The following MACF1 variants were observed in gnomAD, a reference collection of about 807,000 sequenced individuals.
MACF1 encodes microtubule-actin cross-linking factor 1.
Under a neutral mutation model 854.8 loss-of-function variants are expected in MACF1, and 193 were observed. The observed-to-expected ratio is 0.23, with a 90% CI of 0.20 to 0.25. The LOEUF (loss-of-function observed/expected upper bound fraction) is 0.25. Ranked by LOEUF, MACF1 falls within the 10% of genes least tolerant of loss-of-function variation. MACF1 has a pLI of 1.00. For synonymous variants in MACF1, 3,185 were observed against 3,226.7 expected (o/e 0.99, Z 0.44); for missense variants, 7,722 against 8,929.1 (o/e 0.86, Z 5.45).
At chr1:39,229,845 T>A (rs932819142) in intron 1 of MACF1, among the ~76,000 whole-genome samples, 6 of 152,104 alleles carry the variant, frequency 3.9e-5, no homozygotes, top group Admixed American at 3.9e-4. Context: ...CAAGTGATCC[T>A]CCCACCCTCC....
chr1:39,313,610 A>T (rs1446241650), intron 26 of MACF1, among the ~76,000 whole-genome samples: 1 of 150,590 alleles, frequency 6.6e-6, no homozygotes, highest in Non-Finnish European at 1.5e-5. Flanking sequence ...TATTTATGTC[A>T]ATATATACTC....
In MACF1 at chr1:39,283,374, TCTGA is replaced by T; in HGVS notation, c.809-32_809-29del. ...TCCTTCTTCTGGCAAGTTCCTTTGT[TCTGA>T]CTAAGAAATTTCTTGTCCATTCTCT... On this transcript the variant is annotated intron_variant, in intron 8 of 100. Transcript: ENST00000564288. The surrounding 1 kb of genome is among the most constrained non-coding windows in gnomAD (Gnocchi z 4.5). The T allele has an allele frequency of 3.1e-6, 5 of 1,589,240 alleles. No individual in the cohort carries two copies. Among genetic ancestry groups the T allele is most frequent in the Non-Finnish European group, 4.3e-6 (5 of 1,157,394 alleles).
At chr1:39,201,543 G>A (rs1356226470), upstream of MACF1, among the ~76,000 whole-genome samples, 3 of 151,990 alleles carry the variant, frequency 2.0e-5, no homozygotes, top group East Asian at 1.9e-4. Context: ...TAGTAGAGAC[G>A]GGGTTTCACT....
chr1:39,333,335 C>T lies in MACF1; in HGVS notation c.6747C>T (p.Ile2249=), dbSNP rs761297415. The change falls in exon 37 of 101, where the codon ATC becomes ATT. Residue 2249 remains isoleucine (I), a synonymous_variant. Coordinates refer to ENST00000564288, the MANE Select transcript of MACF1 (RefSeq NM_001394062.1). The part of the protein sequence containing the change: ...DHKESQEAQN[I]AGGSMMMSEK... ...AAGAAAGTCAAGAAGCACAGAACATCGCAGGTGGTAGTATGATGATGTCAG... is the reference window on the plus strand; with the variant it reads ...AAGAAAGTCAAGAAGCACAGAACATTGCAGGTGGTAGTATGATGATGTCAG... The T allele has an allele frequency of 5.6e-6, 9 of 1,613,882 alleles. No individual in the cohort carries two copies. In the East Asian group the frequency reaches 6.7e-5, roughly 12 times the overall value.
chr1:39,224,506 A>G (rs1189249471), intron 1 of MACF1, among the ~76,000 whole-genome samples: 3 of 152,340 alleles, frequency 2.0e-5, no homozygotes, highest in Middle Eastern at 3.4e-3. Flanking sequence ...ACTCAAAACT[A>G]TCCATTGGGT....
intron 58 of MACF1, among the ~76,000 whole-genome samples, chr1:39,417,682 G>A (rs1486781535): frequency 6.9e-6 from 1 of 144,842 alleles, no homozygotes; most frequent in African/African-American, 2.5e-5. Context: ...AAGTAGTTGG[G>A]ATTACAGGAA....
intron 17 of MACF1, among the ~76,000 whole-genome samples, 192 bp from the exon 18 acceptor site, chr1:39,293,266 T>G (rs1645832481): frequency 6.6e-6 from 1 of 152,210 alleles, no homozygotes; most frequent in Admixed American, 6.5e-5. Context: ...TGAATTCTGT[T>G]TTCTACTTAG....
intron 2 of MACF1, among the ~76,000 whole-genome samples, chr1:39,235,610 C>G (rs1462349182): frequency 6.6e-6 from 1 of 152,210 alleles, no homozygotes; most frequent in African/African-American, 2.4e-5. Flanking sequence ...TTCTCCATCT[C>G]CATATCGCTG....
intron 31 of MACF1, among the ~76,000 whole-genome samples, chr1:39,320,829 A>C (rs572091145): frequency 1.2e-3 from 178 of 152,128 alleles, no homozygotes; most frequent in Non-Finnish European, 1.8e-3. Flanking sequence ...AATTAGCTGG[A>C]TGTAGTGGTG....
chr1:39,300,355 A>G lies in MACF1; in HGVS notation c.2627A>G (p.Gln876Arg). Residue 876 changes from glutamine to arginine, a missense_variant, in exon 22 of 101, where the codon CAG becomes CGG. Transcript: ENST00000564288. ...GTCAAGGCTGTCTGTGACTACAGGC[A>G]GATCGAGGTGAGGAGGTAGAAAGGG... Reference protein sequence around the residue: ...ISVKAVCDYRQIEITICKNDE... With the variant: ...ISVKAVCDYRRIEITICKNDE... 6.2e-7 allele frequency: 1 copy of G among 1,613,928 alleles called. No homozygotes were observed. The highest frequency in any genetic ancestry group is 8.5e-7 in the Non-Finnish European group (1 of 1,179,948).
In MACF1 at chr1:39,336,638, C is replaced by T. The variant is rs564572593; in HGVS notation, c.10050C>T (p.Pro3350=). The part of the protein sequence containing the change: ...GKGNGGVNPE[P]FRATQNVFTR... ...GAAATGGAGGTGTAAACCCAGAGCC[C>T]TTCAGAGCAACTCAGGTCAGTGGTG... The change falls in exon 37 of 101, where the codon CCC becomes CCT. Residue 3350 remains proline (P), a synonymous_variant. Coordinates refer to ENST00000564288, the MANE Select transcript of MACF1 (RefSeq NM_001394062.1). The T allele has an allele frequency of 5.8e-5, 93 of 1,605,880 alleles. 4 individuals are homozygous for T. In the South Asian group the frequency reaches 9.9e-4, roughly 17 times the overall value.
At chr1:39,295,176 G>A (rs200006955) in intron 19 of MACF1, 26 bp downstream of exon 19, 16 of 1,559,160 alleles carry the variant, frequency 1.0e-5, no homozygotes, top group Admixed American at 1.7e-5. Flanking sequence ...ATGTGTGAAG[G>A]TCAAATGCTG....
At chr1:39,120,897 C>G (rs922775320) in intron 2 of MACF1, 1 of 152,250 alleles carries the variant, frequency 6.6e-6, no homozygotes, top group Non-Finnish European at 1.5e-5. Flanking sequence ...TATAGTCACC[C>G]TTTTGTGCTA....
At chr1:39,465,039 T>A in intron 94 of MACF1, 56 bp from the exon 95 acceptor site, 1 of 1,505,136 alleles carries the variant, frequency 6.6e-7, no homozygotes, top group East Asian at 2.3e-5. Context: ...TTTGACAAAA[T>A]GTTCTCTTTT....
At position 39,385,652 on chromosome 1, in the gene MACF1, G is replaced by A; in HGVS notation, c.14067G>A (p.Gln4689=). The A allele has an allele frequency of 1.9e-6, 3 of 1,614,160 alleles. No individual in the cohort carries two copies. Among genetic ancestry groups the A allele is most frequent in the South Asian group, 1.1e-5 (1 of 91,092 alleles). ...DQAIVKSTQY[Q]ELLQDLSEKV... ...CTATTGTTAAGAGCACCCAGTACCA[G>A]GAACTGCTCCAGGACTTATCAGAGA... The change falls in exon 57 of 101, where the codon CAG becomes CAA. Residue 4689 remains glutamine (Q), a synonymous_variant. Transcript: ENST00000564288.
intron 60 of MACF1, 66 bp downstream of exon 60, chr1:39,422,966 T>G: frequency 6.8e-7 from 1 of 1,461,022 alleles, no homozygotes; most frequent in Non-Finnish European, 9.5e-7. Context: ...CACATTTGCT[T>G]ATAGTTTAAG....
At chr1:39,293,710 A>C in intron 18 of MACF1, 91 bp downstream of exon 18, 4 of 1,286,786 alleles carry the variant, frequency 3.1e-6, no homozygotes, top group Non-Finnish European at 3.2e-6. Flanking sequence ...GGGTGGCTGG[A>C]GTTGCACTCT....
At chr1:39,257,326 G>A (rs537330961) in intron 5 of MACF1, among the ~76,000 whole-genome samples, 30 of 150,962 alleles carry the variant, frequency 2.0e-4, no homozygotes, top group African/African-American at 7.0e-4. Context: ...TTTTTGAGAC[G>A]GAGTCTCACT....
intron 52 of MACF1, 61 bp downstream of exon 52, chr1:39,372,657 A>T (rs754550525): frequency 9.5e-7 from 1 of 1,048,098 alleles, no homozygotes. Flanking sequence ...TGGCCTTTGG[A>T]GATGCCTCCT....
Sources: gnomAD v4.1 joint callset for allele counts (sites outside exome capture counted in the v4.1 genomes callset) on GRCh38, gnomAD v4.1.1 for gene constraint, Gnocchi (gnomAD v3.1) non-coding constraint, MANE v1.5 for transcripts, NCBI Gene and HGNC (gene_info 2026-07-23, HGNC 2026-07-21) for gene names.